DLG2: variants seen among roughly 807,000 people sequenced by gnomAD.
The protein encoded by DLG2 is disks large homolog 2.
In DLG2, 45 loss-of-function variants were observed where a neutral mutation model predicts 132.5. That is an observed-to-expected ratio of 0.34 (90% CI 0.27 to 0.44). The LOEUF (loss-of-function observed/expected upper bound fraction) is 0.44. Ranked by LOEUF, DLG2 falls within the 20% of genes least tolerant of loss-of-function variation. DLG2 has a pLI of 1.00. For synonymous variants in DLG2, 424 were observed against 419.6 expected (o/e 1.01, Z -0.13); for missense variants, 1,045 against 1,196.9 (o/e 0.87, Z 1.87).
chr11:84,300,123 C>T (rs921285409), intron 7 of DLG2, among the ~76,000 whole-genome samples: 2 of 151,990 alleles, frequency 1.3e-5, no homozygotes, highest in East Asian at 3.9e-4. Flanking sequence ...TCATAAAATT[C>T]CTATCCCTAT....
At chr11:84,217,408 GTCTCT>G (rs1028129270) in intron 8 of DLG2, among the ~76,000 whole-genome samples, 2 of 152,150 alleles carry the variant, frequency 1.3e-5, no homozygotes, top group African/African-American at 4.8e-5. Context: ...CCTACATAAA[GTCTCT>G]TCTCTTGTCT....
At chr11:84,166,110 T>A (rs1374848258) in intron 8 of DLG2, among the ~76,000 whole-genome samples, 1 of 152,124 alleles carries the variant, frequency 6.6e-6, no homozygotes, top group Non-Finnish European at 1.5e-5. Context: ...TATTCTCTCA[T>A]TACAGGGAGA....
At chr11:84,258,621 G>T (rs953220032) in intron 7 of DLG2, among the ~76,000 whole-genome samples, 1 of 152,148 alleles carries the variant, frequency 6.6e-6, no homozygotes, top group East Asian at 1.9e-4. Flanking sequence ...AGGAAGAAAA[G>T]AAGATCCCAA....
chr11:85,033,267 G>A (rs1435003161), intron 6 of DLG2, among the ~76,000 whole-genome samples: 2 of 151,192 alleles, frequency 1.3e-5, no homozygotes, highest in Admixed American at 1.3e-4. Flanking sequence ...GATGTTATTT[G>A]AAGACTGTGC....
At chr11:85,555,422 C>T (rs2076886560) in intron 3 of DLG2, among the ~76,000 whole-genome samples, 1 of 151,872 alleles carries the variant, frequency 6.6e-6, no homozygotes, top group Non-Finnish European at 1.5e-5. Context: ...TTGACCTTCA[C>T]ATTGTTGAGG....
chr11:85,458,379 T>A (rs936584193), intron 3 of DLG2, among the ~76,000 whole-genome samples: 7 of 152,220 alleles, frequency 4.6e-5, no homozygotes, highest in African/African-American at 1.7e-4. Flanking sequence ...ACTTTGACAT[T>A]GTTTTCAACC....
intron 22 of DLG2, among the ~76,000 whole-genome samples, chr11:83,477,544 C>T (rs1458691990): frequency 2.6e-5 from 4 of 152,004 alleles, no homozygotes; most frequent in Non-Finnish European, 4.4e-5. Context: ...AAGGTTGCCA[C>T]GATGTGTAAC....
chr11:84,882,350 T>A (rs1259251091), intron 6 of DLG2, among the ~76,000 whole-genome samples: 2 of 152,104 alleles, frequency 1.3e-5, no homozygotes, highest in East Asian at 1.9e-4. Flanking sequence ...TGTGAGGACA[T>A]GTTTATTTTC....
chr11:85,485,677 C>G (rs947449296), intron 3 of DLG2, among the ~76,000 whole-genome samples: 2 of 152,324 alleles, frequency 1.3e-5, no homozygotes, highest in African/African-American at 2.4e-5. Flanking sequence ...GTTCTACACT[C>G]TCACCGCAGG....
intron 6 of DLG2, among the ~76,000 whole-genome samples, chr11:85,104,994 T>G (rs1179393808): frequency 6.7e-6 from 1 of 150,364 alleles, no homozygotes; most frequent in Non-Finnish European, 1.5e-5. Context: ...ATATTAAAAA[T>G]TACAGAAAGA....
chr11:84,515,975 G>A (rs1166938129), intron 7 of DLG2, among the ~76,000 whole-genome samples: 3 of 57,040 alleles, frequency 5.3e-5, no homozygotes, highest in Non-Finnish European at 1.0e-4. Flanking sequence ...TTAAACAAAC[G>A]TGTTCTTGAA....
At chr11:85,576,710 A>T (rs1277707720) in intron 3 of DLG2, among the ~76,000 whole-genome samples, 1 of 152,202 alleles carries the variant, frequency 6.6e-6, no homozygotes, top group Admixed American at 6.6e-5. Context: ...AGTGAACAAG[A>T]CAACCAAGTT....
At chr11:83,783,489 C>A (rs1466689691) in intron 18 of DLG2, among the ~76,000 whole-genome samples, 1 of 151,994 alleles carries the variant, frequency 6.6e-6, no homozygotes, top group Non-Finnish European at 1.5e-5. Flanking sequence ...GTCTTTGAAG[C>A]AAAAATGAAA....
At chr11:84,267,726 CAT>C (rs978926449) in intron 7 of DLG2, among the ~76,000 whole-genome samples, 2 of 152,224 alleles carry the variant, frequency 1.3e-5, no homozygotes, top group African/African-American at 4.8e-5. Flanking sequence ...TTTGAGACCA[CAT>C]AGTTTCTCAC....
In DLG2 at chr11:84,013,449, AAT is replaced by A. The variant is rs1410130107; in HGVS notation, c.920-32809_920-32808del. On this transcript the variant is annotated intron_variant, in intron 11 of 27. Transcript: ENST00000376104. ...TCAGTGAGAAGTGCTATATTTATGA[AAT>A]ATGTTTAAATTCCTATGTGAACATA... Among the ~76,000 whole-genome samples the A allele has an allele frequency of 5.9e-5, 9 of 152,282 alleles. No homozygotes were observed. In the East Asian group the frequency reaches 1.5e-3, roughly 26 times the overall value.
At chr11:83,472,986 A>G (rs542812008) in intron 22 of DLG2, among the ~76,000 whole-genome samples, 3 of 152,218 alleles carry the variant, frequency 2.0e-5, no homozygotes, top group African/African-American at 7.2e-5. Context: ...CTAAGTAATA[A>G]CTGGTTGCTA....
chr11:85,240,900 A>C (rs1388524414), intron 4 of DLG2, among the ~76,000 whole-genome samples: 1 of 151,730 alleles, frequency 6.6e-6, no homozygotes, highest in Non-Finnish European at 1.5e-5. Context: ...AGTTATTCTT[A>C]ATATCTATAC....
chr11:85,572,895 A>G (rs1377759483), intron 3 of DLG2, among the ~76,000 whole-genome samples: 2 of 152,184 alleles, frequency 1.3e-5, no homozygotes, highest in African/African-American at 2.4e-5. Flanking sequence ...GTAATCCTCA[A>G]TGTTGGAGGT....
chr11:85,314,058 C>G (rs1207457911), intron 3 of DLG2, among the ~76,000 whole-genome samples: 1 of 151,904 alleles, frequency 6.6e-6, no homozygotes, highest in Non-Finnish European at 1.5e-5. Context: ...AAGTAAAGAA[C>G]AATTAGACTG....
Sources: gnomAD v4.1 joint callset for allele counts (sites outside exome capture counted in the v4.1 genomes callset) on GRCh38, gnomAD v4.1.1 for gene constraint, MANE v1.5 for transcripts, NCBI Gene and HGNC (gene_info 2026-07-23, HGNC 2026-07-21) for gene names.